Variants in MALRD1 observed in about 807,000 individuals in gnomAD.
MALRD1 encodes MAM and LDL receptor class A domain containing 1, also known as MAM and LDL-receptor class A domain-containing protein 1.
Under a neutral mutation model 242.1 loss-of-function variants are expected in MALRD1, and 247 were observed. The ratio of observed to expected loss-of-function variants is 1.02; its 90% CI spans 0.92 to 1.13. The LOEUF is 1.13. Ranked by LOEUF, MALRD1 falls within the 50% of genes most tolerant of loss-of-function variation. The probability of loss-of-function intolerance (pLI) is 0.00; values close to 1 mark genes in which losing one functional copy is unlikely to be tolerated. For synonymous variants in MALRD1, 995 were observed against 866.6 expected (o/e 1.15, Z -2.60); for missense variants, 2,989 against 2,533.1 (o/e 1.18, Z -3.86).
At chr10:19,488,821 T>C in intron 29 of MALRD1, 1 of 344,420 alleles carries the variant, frequency 2.9e-6, no homozygotes, top group South Asian at 2.2e-5. Flanking sequence ...GAAAGGTGTG[T>C]GGCCATGCAA....
chr10:19,452,920 C>T (rs189984083), intron 29 of MALRD1, among the ~76,000 whole-genome samples: 198 of 152,228 alleles, frequency 1.3e-3, no homozygotes, highest in African/African-American at 4.7e-3. Flanking sequence ...TTCTTCATTT[C>T]GCTTTGCGTC....
chr10:19,514,592 T>C (rs1446713024), intron 31 of MALRD1, among the ~76,000 whole-genome samples: 3 of 152,148 alleles, frequency 2.0e-5, no homozygotes, highest in African/African-American at 7.2e-5. Flanking sequence ...GAAACAATGC[T>C]TACTCATTTA....
chr10:19,342,402 C>A (rs1843925900), intron 24 of MALRD1, among the ~76,000 whole-genome samples: 1 of 152,016 alleles, frequency 6.6e-6, no homozygotes, highest in South Asian at 2.1e-4. Context: ...TTAGGCACCC[C>A]CAATAGAAGT....
chr10:19,695,248 T>G (rs1833319215), intron 38 of MALRD1, among the ~76,000 whole-genome samples: 1 of 152,002 alleles, frequency 6.6e-6, no homozygotes, highest in South Asian at 2.1e-4. Context: ...ATATGAAATA[T>G]TTATATATGA....
At chr10:19,607,200 C>G (rs1294516057) in intron 34 of MALRD1, among the ~76,000 whole-genome samples, 1 of 152,144 alleles carries the variant, frequency 6.6e-6, no homozygotes, top group East Asian at 1.9e-4. Context: ...ATGTGTAATA[C>G]TACATAATGC....
intron 24 of MALRD1, among the ~76,000 whole-genome samples, chr10:19,335,928 A>G (rs1432156919): frequency 6.6e-6 from 1 of 152,022 alleles, no homozygotes; most frequent in African/African-American, 2.4e-5. Context: ...TACATTAGGC[A>G]TTTCTCCTAA....
upstream of MALRD1, among the ~76,000 whole-genome samples, chr10:19,047,886 C>T (rs1363414613): frequency 6.6e-6 from 1 of 152,136 alleles, no homozygotes; most frequent in African/African-American, 2.4e-5. Flanking sequence ...GTTATTTTTG[C>T]CTCTTGCGGT....
chr10:19,233,162 AG>A (rs1289069182), intron 18 of MALRD1, among the ~76,000 whole-genome samples: 2 of 152,176 alleles, frequency 1.3e-5, no homozygotes, highest in Non-Finnish European at 2.9e-5. Flanking sequence ...TCACGTCATG[AG>A]GAATGGGCTT....
chr10:19,667,172 T>G (rs191351383), intron 36 of MALRD1, among the ~76,000 whole-genome samples: 1 of 152,238 alleles, frequency 6.6e-6, no homozygotes, highest in East Asian at 1.9e-4. Context: ...AACTTTGGAC[T>G]GAGGCCAGGT....
chr10:19,477,828 T>C (rs1243878681), intron 29 of MALRD1, among the ~76,000 whole-genome samples: 2 of 152,180 alleles, frequency 1.3e-5, no homozygotes, highest in Non-Finnish European at 2.9e-5. Context: ...CATCCCACCG[T>C]AATCTTTTAT....
intron 24 of MALRD1, among the ~76,000 whole-genome samples, chr10:19,335,276 A>G (rs1175044093): frequency 2.6e-5 from 4 of 151,438 alleles, no homozygotes; most frequent in African/African-American, 9.7e-5. Flanking sequence ...CAAATAATGC[A>G]TAGGAAAAGT....
intron 1 of MALRD1, among the ~76,000 whole-genome samples, chr10:19,057,119 T>C (rs1444380737): frequency 6.6e-6 from 1 of 152,212 alleles, no homozygotes; most frequent in Non-Finnish European, 1.5e-5. Context: ...TCAGGAATAT[T>C]GGCTTGCAGC....
At chr10:19,068,183 C>A (rs1835037445) in intron 2 of MALRD1, among the ~76,000 whole-genome samples, 3 of 151,954 alleles carry the variant, frequency 2.0e-5, no homozygotes. Flanking sequence ...TTACTGTAGA[C>A]TTTTGTTTGT....
Position 19,348,006 on chromosome 10 carries a change from C to T in MALRD1, c.4137C>T (p.Ser1379=). The change falls in exon 25 of 40, where the codon AGC becomes AGT. Residue 1379 remains serine, a synonymous_variant. Transcript: ENST00000454679. ...RISSPVISKR[S]KNCKIIFHYH... ...CAAGTCCAGTTATAAGTAAGAGAAG[C>T]AAAAACTGCAAGGTATGGGGAAAAT... 2 of 1,549,592 alleles carry T rather than the reference C, an allele frequency of 1.3e-6. No homozygotes were observed. The highest frequency in any genetic ancestry group is 1.2e-5 in the South Asian group (1 of 83,868).
chr10:19,246,345 G>A (rs1394578371), intron 18 of MALRD1, among the ~76,000 whole-genome samples: 2 of 151,986 alleles, frequency 1.3e-5, no homozygotes, highest in Non-Finnish European at 2.9e-5. Context: ...GTTACTTTCT[G>A]GGGATACTGT....
chr10:19,727,882 T>C (rs528229999), intron 38 of MALRD1, among the ~76,000 whole-genome samples: 58 of 152,192 alleles, frequency 3.8e-4, no homozygotes, highest in Admixed American at 1.1e-3. Context: ...GGATCCACCA[T>C]TTTAAGTAAA....
chr10:19,418,082 G>C (rs1833579745), intron 28 of MALRD1, among the ~76,000 whole-genome samples: 1 of 151,876 alleles, frequency 6.6e-6, no homozygotes, highest in African/African-American at 2.4e-5. Context: ...TAATATCGAT[G>C]ATCCCATATG....
intron 14 of MALRD1, among the ~76,000 whole-genome samples, chr10:19,196,514 A>G (rs1836257072): frequency 6.8e-6 from 1 of 147,130 alleles, no homozygotes. Flanking sequence ...CTTGGCTCTC[A>G]TGGCATGGGG....
At chr10:19,583,335 A>C (rs1371170740) in intron 33 of MALRD1, among the ~76,000 whole-genome samples, 3 of 149,686 alleles carry the variant, frequency 2.0e-5, no homozygotes, top group African/African-American at 5.0e-5. Context: ...GTTTTTGCCC[A>C]TTCAGTATGA....
Sources: allele counts gnomAD v4.1 joint callset (sites outside exome capture counted in the v4.1 genomes callset), GRCh38; gene constraint gnomAD v4.1.1; transcripts MANE v1.5; gene names NCBI Gene and HGNC (gene_info 2026-07-23, HGNC 2026-07-21).